The following NBEA variants were observed in gnomAD, a reference collection of about 807,000 sequenced individuals.
NBEA encodes the protein lysosomal-trafficking regulator 2.
Under a neutral mutation model 343.4 loss-of-function variants are expected in NBEA, and 44 were observed. The observed-to-expected ratio is 0.13, with a 90% CI of 0.10 to 0.16. The LOEUF is 0.16. Ranked by LOEUF, NBEA falls within the 10% of genes least tolerant of loss-of-function variation. The pLI, the probability that NBEA is intolerant of heterozygous loss-of-function variation, is 1.00. For synonymous variants in NBEA, 1,175 were observed against 1,238.7 expected (o/e 0.95, Z 1.08); for missense variants, 2,555 against 3,631.3 (o/e 0.70, Z 7.62).
intron 1 of NBEA, among the ~76,000 whole-genome samples, chr13:34,961,477 C>T (rs1032497635): frequency 6.6e-6 from 1 of 152,040 alleles, no homozygotes; most frequent in African/African-American, 2.4e-5. Flanking sequence ...GCTTCCCCTC[C>T]TCCTGCACGC....
chr13:35,389,719 G>C (rs932919300), intron 38 of NBEA, among the ~76,000 whole-genome samples: 3 of 152,022 alleles, frequency 2.0e-5, no homozygotes, highest in East Asian at 1.9e-4. Context: ...CAAGAGATTA[G>C]TCTGCTGTGA....
intron 34 of NBEA, among the ~76,000 whole-genome samples, chr13:35,270,550 G>C (rs548595851): frequency 6.6e-6 from 1 of 152,216 alleles, no homozygotes; most frequent in South Asian, 2.1e-4. Context: ...AAGTACAAGA[G>C]GTCTGGGGAT....
intron 49 of NBEA, 96 bp from the exon 50 acceptor site, chr13:35,645,773 G>T: frequency 1.7e-6 from 1 of 600,478 alleles, no homozygotes; most frequent in Non-Finnish European, 2.8e-6. Context: ...TCTTTCTGCT[G>T]ATCACCCTCT....
At chr13:35,637,699 G>A (rs1278348492) in intron 49 of NBEA, among the ~76,000 whole-genome samples, 1 of 152,044 alleles carries the variant, frequency 6.6e-6, no homozygotes, top group Non-Finnish European at 1.5e-5. Flanking sequence ...GCAGGCACCT[G>A]TAGTCCCAGC....
intron 17 of NBEA, among the ~76,000 whole-genome samples, chr13:35,126,321 C>T (rs1053964910): frequency 2.0e-4 from 31 of 152,174 alleles, no homozygotes; most frequent in African/African-American, 7.0e-4. Flanking sequence ...TCAATTAAAC[C>T]TCTTTCCTTT....
At chr13:35,124,444 G>A (rs1488320734) in intron 17 of NBEA, among the ~76,000 whole-genome samples, 1 of 149,830 alleles carries the variant, frequency 6.7e-6, no homozygotes, top group African/African-American at 2.4e-5. Flanking sequence ...ATGGATATAA[G>A]GAATAGTTCA....
intron 35 of NBEA, among the ~76,000 whole-genome samples, chr13:35,309,183 C>A (rs2037193970): frequency 6.6e-6 from 1 of 151,758 alleles, no homozygotes; most frequent in Admixed American, 6.6e-5. Flanking sequence ...TTTTCTATCC[C>A]AAATATTTCT....
At chr13:35,513,924 A>G (rs947545686) in intron 41 of NBEA, among the ~76,000 whole-genome samples, 1 of 152,266 alleles carries the variant, frequency 6.6e-6, no homozygotes, top group African/African-American at 2.4e-5. Context: ...CACATTAATC[A>G]TTTTTTGTCA....
chr13:35,124,589 C>CAT (rs562846187), intron 17 of NBEA, among the ~76,000 whole-genome samples: 3 of 149,144 alleles, frequency 2.0e-5, no homozygotes, highest in African/African-American at 7.4e-5. Context: ...TATACATACA[C>CAT]ATATATGGAT....
Position 35,555,070 on chromosome 13 carries a change from T to A in NBEA, c.6890T>A (p.Phe2297Tyr). 1.2e-6 allele frequency: 2 copies of A among 1,609,528 alleles called. No homozygotes were observed. The highest frequency in any genetic ancestry group is 1.7e-6 in the Non-Finnish European group (2 of 1,176,432). ...TGGCAAAGAAGGGAAATTTCAAACT[T>A]CGAATATTTGATGTTCCTTAATACT... ...QRWQRREISN[F>Y]EYLMFLNTIA... is the part of the protein sequence containing the mutation. Residue 2297 changes from phenylalanine to tyrosine, a missense_variant, in exon 44 of 59, where the codon TTC (phenylalanine) becomes TAC (tyrosine). By Grantham distance (22) the Phe-to-Tyr change is conservative. Coordinates refer to ENST00000379939, the MANE Select transcript of NBEA (RefSeq NM_001385012.1).
chr13:34,953,953 T>C (rs544409529), intron 1 of NBEA, among the ~76,000 whole-genome samples: 2 of 152,332 alleles, frequency 1.3e-5, no homozygotes, highest in East Asian at 3.9e-4. Flanking sequence ...GCGCTCCTTA[T>C]GAAAATCTAA....
At chr13:34,968,560 A>T (rs1417511422) in intron 1 of NBEA, among the ~76,000 whole-genome samples, 4 of 152,168 alleles carry the variant, frequency 2.6e-5, no homozygotes, top group Non-Finnish European at 5.9e-5. Context: ...ATAGGCAGCC[A>T]TTACTGATAT....
At chr13:35,564,538 G>A (rs1022163019) in intron 44 of NBEA, among the ~76,000 whole-genome samples, 1 of 152,088 alleles carries the variant, frequency 6.6e-6, no homozygotes, top group Non-Finnish European at 1.5e-5. Flanking sequence ...GCATACATAT[G>A]AACTATTAGT....
chr13:35,326,026 A>T (rs2038535763), intron 36 of NBEA, among the ~76,000 whole-genome samples: 1 of 151,862 alleles, frequency 6.6e-6, no homozygotes, highest in South Asian at 2.1e-4. Flanking sequence ...TGTGTGTTGT[A>T]CCAACAACAC....
chr13:35,476,809 A>C, intron 41 of NBEA: 1 of 1,024,516 alleles, frequency 9.8e-7, no homozygotes, highest in Non-Finnish European at 1.2e-6. Flanking sequence ...ATTAATCCCC[A>C]CTCATGGATA....
chr13:35,029,020 A>G (rs17189205), intron 1 of NBEA, among the ~76,000 whole-genome samples: 6,917 of 151,648 alleles, frequency 0.046, 235 homozygotes, highest in Non-Finnish European at 0.067. Context: ...TAAATTTTTA[A>G]TAATTAAGAC....
intron 36 of NBEA, among the ~76,000 whole-genome samples, chr13:35,332,458 A>G (rs1345981487): frequency 1.3e-5 from 2 of 152,300 alleles, no homozygotes; most frequent in East Asian, 1.9e-4. Context: ...AGACATCTCT[A>G]TATCATAATA....
chr13:34,973,316 T>G (rs529272340), intron 1 of NBEA, among the ~76,000 whole-genome samples: 1 of 152,210 alleles, frequency 6.6e-6, no homozygotes, highest in African/African-American at 2.4e-5. Flanking sequence ...GGCCACACTT[T>G]CATAGAGCAG....
intron 28 of NBEA, 28 bp downstream of exon 28, chr13:35,177,131 A>T: frequency 6.7e-7 from 1 of 1,483,012 alleles, no homozygotes; most frequent in Non-Finnish European, 9.3e-7. Context: ...GGTTTCCCTG[A>T]AATAAACCTT....
Sources: gnomAD v4.1 joint callset for allele counts (sites outside exome capture counted in the v4.1 genomes callset) on GRCh38, gnomAD v4.1.1 for gene constraint, MANE v1.5 for transcripts, NCBI Gene and HGNC (gene_info 2026-07-23, HGNC 2026-07-21) for gene names.